Variants in UBE2D2 observed in about 807,000 individuals in gnomAD.
UBE2D2 encodes ubiquitin conjugating enzyme E2 D2.
In UBE2D2, 2 loss-of-function variants were observed where a neutral mutation model predicts 24.2. The observed-to-expected ratio is 0.08, with a 90% CI of 0.03 to 0.26. The LOEUF is 0.26. Among genes scored for constraint, UBE2D2 ranks in the 10% least tolerant of loss-of-function variants. The probability of loss-of-function intolerance (pLI) is 1.00; values close to 1 mark genes in which losing one functional copy is unlikely to be tolerated. For synonymous variants in UBE2D2, 58 were observed against 56.5 expected, an observed-to-expected ratio of 1.03 and a Z score of -0.12; for missense variants, 44 against 177.6, an observed-to-expected ratio of 0.25 and a Z score of 4.28.
intron 1 of UBE2D2, among the ~76,000 whole-genome samples, chr5:139,581,956 T>C (rs545354540): frequency 4.6e-4 from 70 of 152,170 alleles, no homozygotes; most frequent in African/African-American, 1.6e-3. Context: ...CGTGAGCTAC[T>C]GTGCCAGCTG....
At chr5:139,528,713 G>A (rs1270875419) in intron 1 of UBE2D2, among the ~76,000 whole-genome samples, 6 of 152,050 alleles carry the variant, frequency 3.9e-5, no homozygotes, top group South Asian at 2.1e-4. Flanking sequence ...GAAAATCCCC[G>A]CATAACCACT....
intron 1 of UBE2D2, among the ~76,000 whole-genome samples, chr5:139,552,990 T>C (rs1275736044): frequency 6.6e-6 from 1 of 151,344 alleles, no homozygotes; most frequent in Admixed American, 6.6e-5. Context: ...CCTCTAATTT[T>C]GTATTTTTAG....
chr5:139,591,445 A>C (rs1347174338), intron 1 of UBE2D2, among the ~76,000 whole-genome samples: 1 of 152,068 alleles, frequency 6.6e-6, no homozygotes, highest in Non-Finnish European at 1.5e-5. Flanking sequence ...CTATACTTTT[A>C]GTTGCTTTGA....
chr5:139,562,398 A>AG, intron 1 of UBE2D2: 1 of 1,311,870 alleles, frequency 7.6e-7, no homozygotes, highest in Non-Finnish European at 1.0e-6. Flanking sequence ...GTTCAGAAGA[A>AG]AAAAAAAAGG....
intron 1 of UBE2D2, among the ~76,000 whole-genome samples, chr5:139,551,989 ATTAC>A (rs1392693007): frequency 8.5e-5 from 13 of 152,308 alleles, no homozygotes; most frequent in African/African-American, 2.9e-4. Flanking sequence ...CCCAAATCTA[ATTAC>A]TTTAATGAGA....
At chr5:139,526,988 G>A (rs1185060779) in intron 1 of UBE2D2, among the ~76,000 whole-genome samples, 1 of 152,120 alleles carries the variant, frequency 6.6e-6, no homozygotes, top group Non-Finnish European at 1.5e-5. Flanking sequence ...TGTGGTGTGA[G>A]CATGGTATTT....
chr5:139,582,663 C>T lies in UBE2D2; in HGVS notation c.25-17709C>T, dbSNP rs1421916503. On this transcript the variant is annotated intron_variant, in intron 1 of 6. Coordinates refer to ENST00000398733, the MANE Select transcript of UBE2D2 (RefSeq NM_003339.3). ...TTCAGATTTCGAAGCGATTTAGATT[C>T]GAATTTTTTTTTTTTTTTTTTTTTT... 2.8e-5 allele frequency among the ~76,000 whole-genome samples: 4 copies of T among 143,192 alleles called. No homozygotes were observed. The South Asian group carries it at 6.6e-4, about 24-fold the overall frequency. The allele number at this position is 143,192 out of a possible 152,430, so 93.9% of individuals were successfully genotyped here. A position where few individuals can be genotyped will look rare whatever the true frequency, so the allele number is the denominator to read the frequency against.
chr5:139,545,494 T>G (rs1382270382), intron 1 of UBE2D2, among the ~76,000 whole-genome samples: 8 of 151,666 alleles, frequency 5.3e-5, no homozygotes, highest in Non-Finnish European at 1.0e-4. Flanking sequence ...TGGCATGATC[T>G]AGGCTCACTG....
At chr5:139,555,407 A>T (rs1054458512) in intron 1 of UBE2D2, among the ~76,000 whole-genome samples, 2 of 151,670 alleles carry the variant, frequency 1.3e-5, no homozygotes, top group Non-Finnish European at 1.5e-5. Flanking sequence ...AATTATTTGA[A>T]ATTATTTGAA....
intron 1 of UBE2D2, among the ~76,000 whole-genome samples, chr5:139,529,848 C>T (rs1752580827): frequency 6.6e-6 from 1 of 152,078 alleles, no homozygotes; most frequent in Non-Finnish European, 1.5e-5. Context: ...TTGTTTTTTC[C>T]ATTAGCCGAA....
intron 2 of UBE2D2, among the ~76,000 whole-genome samples, chr5:139,605,263 C>G (rs1754173076): frequency 6.6e-6 from 1 of 151,884 alleles, no homozygotes; most frequent in African/African-American, 2.4e-5. Context: ...CACTTTCCTG[C>G]AAAGATCTGG....
At position 139,532,643 on chromosome 5, in the gene UBE2D2, G is replaced by A. The variant is rs566752401; in HGVS notation, c.-64+6031G>A. Among the ~76,000 whole-genome samples, 24 of 151,948 alleles carry A rather than the reference G, an allele frequency of 1.6e-4. No individual in the cohort carries two copies. The South Asian group carries it at 5.0e-3, about 32-fold the overall frequency. ...TGGGATTACAGGCGTGAGCCACCGCGCTTGGCCTAGTTTTTGTATATCTAG... is the reference window on the plus strand; with the variant it reads ...TGGGATTACAGGCGTGAGCCACCGCACTTGGCCTAGTTTTTGTATATCTAG... On this transcript the variant is annotated intron_variant, in intron 1 of 6. Transcript: ENST00000511725.
chr5:139,550,542 C>T (rs1047990292), intron 1 of UBE2D2, among the ~76,000 whole-genome samples: 1 of 152,128 alleles, frequency 6.6e-6, no homozygotes, highest in African/African-American at 2.4e-5. Flanking sequence ...GTAGTGGCAA[C>T]TGGCTCAGGT....
At chr5:139,583,499 C>A (rs182312518) in intron 1 of UBE2D2, among the ~76,000 whole-genome samples, 2 of 152,114 alleles carry the variant, frequency 1.3e-5, no homozygotes, top group African/African-American at 4.8e-5. Flanking sequence ...CAGTGGCTTA[C>A]GCCTGTAATC....
chr5:139,528,412 T>C (rs1198372319), intron 1 of UBE2D2, among the ~76,000 whole-genome samples: 1 of 151,840 alleles, frequency 6.6e-6, no homozygotes, highest in Non-Finnish European at 1.5e-5. Context: ...CTCTTTACAC[T>C]CTGTGTCAGA....
chr5:139,561,775 G>T lies in UBE2D2; in HGVS notation c.-17G>T. ...CCCCGTCCCCGCCCCGGGGGCCGCCGCCACCCGCCTCCCACCATGGCTCTG... is the reference window on the plus strand; with the variant it reads ...CCCCGTCCCCGCCCCGGGGGCCGCCTCCACCCGCCTCCCACCATGGCTCTG... On this transcript the variant is annotated 5_prime_UTR_variant, in exon 1 of 7. Transcript: ENST00000398733. 1 of 1,128,624 alleles carries T rather than the reference G, an allele frequency of 8.9e-7. No individual in the cohort carries two copies. 69.9% of individuals were successfully genotyped at this position (1,128,624 alleles called of 1,614,324 possible).
At chr5:139,610,591 G>T (rs903744401) in intron 2 of UBE2D2, among the ~76,000 whole-genome samples, 1 of 151,498 alleles carries the variant, frequency 6.6e-6, no homozygotes. Flanking sequence ...ATCCAGGAGG[G>T]TCTGGGCACA....
At chr5:139,587,226 A>G (rs1279429164) in intron 1 of UBE2D2, among the ~76,000 whole-genome samples, 1 of 152,220 alleles carries the variant, frequency 6.6e-6, no homozygotes, top group Non-Finnish European at 1.5e-5. Flanking sequence ...TGCAGGAACA[A>G]TGGCAAGCCT....
chr5:139,615,260 A>G (rs1389565307), intron 5 of UBE2D2, among the ~76,000 whole-genome samples: 3 of 152,280 alleles, frequency 2.0e-5, no homozygotes, highest in Middle Eastern at 3.4e-3. Flanking sequence ...CGAGGCGGGC[A>G]GATCACAAGG....
Sources: gnomAD v4.1 joint callset for allele counts (sites outside exome capture counted in the v4.1 genomes callset) on GRCh38, gnomAD v4.1.1 for gene constraint, MANE v1.5 for transcripts, NCBI Gene and HGNC (gene_info 2026-07-23, HGNC 2026-07-21) for gene names.